Variants in AGAP1 observed in about 807,000 individuals in gnomAD.
AGAP1 encodes arf-GAP with GTPase, ANK repeat and PH domain-containing protein 1.
In AGAP1, 29 loss-of-function variants were observed where a neutral mutation model predicts 105.3. The ratio of observed to expected loss-of-function variants is 0.28; its 90% CI spans 0.21 to 0.38. The LOEUF is 0.38. Ranked by LOEUF, AGAP1 falls within the 10% of genes least tolerant of loss-of-function variation. AGAP1 has a pLI of 1.00. For synonymous variants in AGAP1, 509 were observed against 485.9 expected, an observed-to-expected ratio of 1.05 and a Z score of -0.63; for missense variants, 998 against 1,165.1, an observed-to-expected ratio of 0.86 and a Z score of 2.09.
chr2:235,722,304 G>A (rs1462713347), intron 3 of AGAP1, among the ~76,000 whole-genome samples: 1 of 152,226 alleles, frequency 6.6e-6, no homozygotes, highest in African/African-American at 2.4e-5. Flanking sequence ...TGGTCCTTCT[G>A]CAGACTTTGA....
chr2:235,620,715 G>T lies in AGAP1; in HGVS notation c.164-88464G>T, dbSNP rs1946450464. On this transcript the variant is annotated intron_variant, in intron 1 of 17. Transcript: ENST00000304032. The surrounding 1 kb of genome is among the most constrained non-coding windows in gnomAD (Gnocchi z 4.5). ...TCTCCCCACTGGATGGAATATAAGG[G>T]CTTGTGTTTGCCGTTTCCCCAGCAC... is the stretch of plus-strand genomic sequence containing the variant. Among the ~76,000 whole-genome samples the T allele has an allele frequency of 6.6e-6, 1 of 152,182 alleles. No homozygotes were observed. The highest frequency in any genetic ancestry group is 6.5e-5 in the Admixed American group (1 of 15,272).
At chr2:235,643,190 TG>T (rs1480238420) in intron 1 of AGAP1, among the ~76,000 whole-genome samples, 6 of 151,948 alleles carry the variant, frequency 3.9e-5, no homozygotes, top group Admixed American at 6.6e-5. Flanking sequence ...ACCAGCACTT[TG>T]GGAGGCCGAG....
Position 235,843,451 on chromosome 2 carries a change from A to G in AGAP1, c.1050+36120A>G, listed in dbSNP as rs574921999. On this transcript the variant is annotated intron_variant, in intron 9 of 17. Coordinates refer to ENST00000304032, the MANE Select transcript of AGAP1 (RefSeq NM_001037131.3). The surrounding 1 kb of genome is among the most constrained non-coding windows in gnomAD (Gnocchi z 5.9). ...GGCCCCACTTTCTTCCTGGAAAGGT[A>G]TTTTCTGGGGCCAGGGAGCAATGTT... 6.6e-6 allele frequency among the ~76,000 whole-genome samples: 1 copy of G among 151,938 alleles called. No individual in the cohort carries two copies. Among genetic ancestry groups the G allele is most frequent in the African/African-American group, 2.4e-5 (1 of 41,342 alleles).
chr2:236,121,301 T>C lies in AGAP1; in HGVS notation c.2370+854T>C, dbSNP rs528927512. 6.6e-6 allele frequency among the ~76,000 whole-genome samples: 1 copy of C among 152,266 alleles called. No homozygotes were observed. Among genetic ancestry groups the C allele is most frequent in the East Asian group, 1.9e-4 (1 of 5,176 alleles). On this transcript the variant is annotated intron_variant, in intron 17 of 17. Transcript: ENST00000304032. The surrounding 1 kb of genome is among the most constrained non-coding windows in gnomAD (Gnocchi z 4.9). ...TTCTGCATGTTTTTGATCTGACTTT[T>C]TTGTTTTTTGTTTTTTTGAGACAGA...
chr2:235,835,675 T>C (rs984479584), intron 9 of AGAP1, among the ~76,000 whole-genome samples: 3 of 152,254 alleles, frequency 2.0e-5, no homozygotes, highest in African/African-American at 7.2e-5. Flanking sequence ...GCTGGGACTT[T>C]GGTGCTTAGC....
chr2:235,613,059 T>C (rs1946191276), intron 1 of AGAP1, among the ~76,000 whole-genome samples: 1 of 151,106 alleles, frequency 6.6e-6, no homozygotes, highest in East Asian at 2.0e-4. Context: ...GAGCTCACGC[T>C]GTCGCCCAGG....
At chr2:235,923,940 T>A (rs1351357245) in intron 11 of AGAP1, among the ~76,000 whole-genome samples, 1 of 152,150 alleles carries the variant, frequency 6.6e-6, no homozygotes, top group Non-Finnish European at 1.5e-5. Context: ...GTAAGTCAAT[T>A]AGAAGAGTGG....
At chr2:236,007,453 G>A (rs868862692) in intron 13 of AGAP1, among the ~76,000 whole-genome samples, 12 of 152,240 alleles carry the variant, frequency 7.9e-5, no homozygotes, top group African/African-American at 2.9e-4. Flanking sequence ...TGCCATTGTG[G>A]AGGCTGGTGG....
intron 6 of AGAP1, among the ~76,000 whole-genome samples, chr2:235,766,907 AT>A (rs71036292): frequency 0.42 from 45,866 of 109,638 alleles, 9,047 homozygotes; most frequent in East Asian, 0.62. Context: ...ACACCGGCTA[AT>A]TTTTTTTTTT....
Position 235,979,947 on chromosome 2 carries a change from C to T in AGAP1, c.1645+11324C>T, listed in dbSNP as rs2055019949. Among the ~76,000 whole-genome samples, 1 of 152,168 alleles carries T rather than the reference C, an allele frequency of 6.6e-6. No homozygotes were observed. The highest frequency in any genetic ancestry group is 2.4e-5 in the African/African-American group (1 of 41,438). On this transcript the variant is annotated intron_variant, in intron 13 of 17. Transcript: ENST00000304032. The surrounding 1 kb of genome is among the most constrained non-coding windows in gnomAD (Gnocchi z 4.5). Reference sequence around the variant, plus strand: ...ATCTGCCACCTCGTCGCCTTGCTGCCTCTGCATGCAGTAAAATACAAAAAA... The same window carrying T: ...ATCTGCCACCTCGTCGCCTTGCTGCTTCTGCATGCAGTAAAATACAAAAAA...
At position 235,538,429 on chromosome 2, in the gene AGAP1, G is replaced by GTGTGTGTGTGTGTGTGTGTGTA. The variant is rs1943314780; in HGVS notation, c.163+43601_163+43602insATGTGTGTGTGTGTGTGTGTGT. Among the ~76,000 whole-genome samples the GTGTGTGTGTGTGTGTGTGTGTA allele has an allele frequency of 3.6e-5, 5 of 137,386 alleles. 1 individual carries two copies. The South Asian group carries it at 1.1e-3, about 30-fold the overall frequency. 90.1% of individuals were successfully genotyped at this position (137,386 alleles called of 152,430 possible). Reference sequence around the variant, plus strand: ...CTGGAGGAAGAACCTCAGCCACTATGTGTGTGTGTGTGTGTGTGTGTGTGT... The same window carrying GTGTGTGTGTGTGTGTGTGTGTA: ...CTGGAGGAAGAACCTCAGCCACTATGTGTGTGTGTGTGTGTGTGTGTATGTGTGTGTGTGTGTGTGTGTGTGT... On this transcript the variant is annotated intron_variant, in intron 1 of 17. Coordinates refer to ENST00000304032, the MANE Select transcript of AGAP1 (RefSeq NM_001037131.3).
Position 235,897,905 on chromosome 2 carries a change from T to C in AGAP1, c.1156-10833T>C, listed in dbSNP as rs138993644. On this transcript the variant is annotated intron_variant, in intron 10 of 17. Transcript: ENST00000304032. Reference sequence around the variant, plus strand: ...AGGGGCAGGGCTGGAGAGGCCTGTTTCTTCTCAGGTGTGCCTGTGGCCCCA... The same window carrying C: ...AGGGGCAGGGCTGGAGAGGCCTGTTCCTTCTCAGGTGTGCCTGTGGCCCCA... Among the ~76,000 whole-genome samples, 175 of 152,336 alleles carry C rather than the reference T, an allele frequency of 1.1e-3. 2 individuals are homozygous for C. The highest frequency in any genetic ancestry group is 4.1e-3 in the African/African-American group (169 of 41,584).
intron 5 of AGAP1, among the ~76,000 whole-genome samples, chr2:235,749,210 T>TTAAAA (rs1553621044): frequency 6.7e-6 from 1 of 148,764 alleles, no homozygotes; most frequent in African/African-American, 2.5e-5. Flanking sequence ...TCCATCTCAT[T>TTAAAA]AAAAAAAAAG....
chr2:235,760,584 TTTA>T (rs1320378979), intron 6 of AGAP1, among the ~76,000 whole-genome samples: 1 of 152,176 alleles, frequency 6.6e-6, no homozygotes, highest in Non-Finnish European at 1.5e-5. Context: ...GCCCTTTCTT[TTTA>T]TTATTATTTC....
At chr2:235,946,052 T>TGGAGACACAGATCCAGGC (rs1165064643) in intron 12 of AGAP1, among the ~76,000 whole-genome samples, 3 of 151,532 alleles carry the variant, frequency 2.0e-5, no homozygotes, top group East Asian at 3.9e-4. Context: ...GAGACCTGGG[T>TGGAGACACAGATCCAGGC]GGAGACACAG....
intron 13 of AGAP1, among the ~76,000 whole-genome samples, chr2:236,019,362 T>G (rs143355471): frequency 3.9e-5 from 6 of 152,290 alleles, no homozygotes; most frequent in African/African-American, 1.2e-4. Flanking sequence ...GAAGAGGCCC[T>G]GGATGCTCTG....
At chr2:235,779,071 G>T (rs1016967548) in intron 6 of AGAP1, among the ~76,000 whole-genome samples, 1 of 152,230 alleles carries the variant, frequency 6.6e-6, no homozygotes, top group Non-Finnish European at 1.5e-5. Flanking sequence ...TTGCCTCACT[G>T]AGCTGGGAAC....
chr2:235,976,712 C>T lies in AGAP1; in HGVS notation c.1645+8089C>T, dbSNP rs967512054. 2.0e-5 allele frequency among the ~76,000 whole-genome samples: 3 copies of T among 152,126 alleles called. No individual in the cohort carries two copies. The highest frequency in any genetic ancestry group is 2.1e-4 in the South Asian group (1 of 4,816). The stretch of plus-strand genomic sequence containing the variant: ...TAGACCAGTGGAGAAAGCAGAAACA[C>T]GCCGGGGAACTTGGTTATGCAGGAG... On this transcript the variant is annotated intron_variant, in intron 13 of 17. Coordinates refer to ENST00000304032, the MANE Select transcript of AGAP1 (RefSeq NM_001037131.3). The surrounding 1 kb of genome is among the most constrained non-coding windows in gnomAD (Gnocchi z 4.5).
chr2:235,524,159 C>A (rs148037828), intron 1 of AGAP1, among the ~76,000 whole-genome samples: 1 of 152,296 alleles, frequency 6.6e-6, no homozygotes, highest in African/African-American at 2.4e-5. Context: ...CGTCCGTGGG[C>A]CACCATTGTC....
Sources: allele counts gnomAD v4.1 joint callset (sites outside exome capture counted in the v4.1 genomes callset), GRCh38; gene constraint gnomAD v4.1.1; non-coding constraint Gnocchi (gnomAD v3.1); transcripts MANE v1.5; gene names NCBI Gene and HGNC (gene_info 2026-07-23, HGNC 2026-07-21).